NFATC2: variants seen among roughly 807,000 people sequenced by gnomAD.
NFATC2 encodes the protein nuclear factor of activated T cells 2, also known as nuclear factor of activated T-cells, cytoplasmic 2.
In NFATC2, 22 loss-of-function variants were observed where a neutral mutation model predicts 87.3. That is an observed-to-expected ratio of 0.25 (90% CI 0.18 to 0.36). The LOEUF (loss-of-function observed/expected upper bound fraction) is 0.36. Ranked by LOEUF, NFATC2 falls within the 10% of genes least tolerant of loss-of-function variation. The probability of loss-of-function intolerance (pLI) is 1.00; values close to 1 mark genes in which losing one functional copy is unlikely to be tolerated. For missense variants in NFATC2, 1,149 were observed against 1,259.1 expected (o/e 0.91, Z 1.32); for synonymous variants, 565 against 542.2 (o/e 1.04, Z -0.58).
At chr20:51,558,067 A>C (rs772765871) in intron 1 of NFATC2, among the ~76,000 whole-genome samples, 1 of 152,192 alleles carries the variant, frequency 6.6e-6, no homozygotes, top group Non-Finnish European at 1.5e-5. Context: ...CTGGCCGGCC[A>C]TGGTAGCTCA....
intron 5 of NFATC2, among the ~76,000 whole-genome samples, chr20:51,456,759 C>T (rs762360339): frequency 2.0e-5 from 3 of 152,256 alleles, no homozygotes; most frequent in Non-Finnish European, 2.9e-5. Context: ...GGGCAGCAAC[C>T]GCGTGAGGCC....
At chr20:51,527,453 A>C (rs1263960253) in intron 1 of NFATC2, among the ~76,000 whole-genome samples, 1 of 152,082 alleles carries the variant, frequency 6.6e-6, no homozygotes, top group East Asian at 1.9e-4. Flanking sequence ...ACGACTGAGG[A>C]ACTGTGGAGT....
chr20:51,535,621 C>T (rs1312523710), intron 1 of NFATC2, among the ~76,000 whole-genome samples: 2 of 152,238 alleles, frequency 1.3e-5, no homozygotes, highest in African/African-American at 2.4e-5. Context: ...TACTCCATGG[C>T]AACAGAGGTG....
chr20:51,435,215 G>T lies in NFATC2; in HGVS notation c.2005C>A (p.Gln669Lys). The stretch of plus-strand genomic sequence containing the variant: ...GGGTGGTAGGTAAAGTGCTGAGGCT[G>T]ACTTCGTTTTCTCTTCCCATTGATG... Reference protein sequence around the residue: ...YVINGKRKRSQPQHFTYHPVP... With the variant: ...YVINGKRKRSKPQHFTYHPVP... The change falls in exon 8 of 11, where the codon CAG (glutamine) becomes AAG (lysine). Residue 669 changes from glutamine (Q) to lysine (K), a missense_variant. Gln to Lys is a moderately conservative substitution (Grantham distance 53, BLOSUM62 1). This residue lies in a region of NFATC2 where 581 missense variants were observed against 649.7 expected (regional missense o/e 0.89). Transcript: ENST00000371564. 6.2e-7 allele frequency: 1 copy of T among 1,614,192 alleles called. No individual in the cohort carries two copies. Among genetic ancestry groups the T allele is most frequent in the South Asian group, 1.1e-5 (1 of 91,086 alleles).
chr20:51,508,684 C>T (rs763210472), intron 3 of NFATC2, among the ~76,000 whole-genome samples: 5 of 152,200 alleles, frequency 3.3e-5, no homozygotes, highest in African/African-American at 9.6e-5. Flanking sequence ...GCAGGAGTCT[C>T]GGCAGGGATG....
intron 3 of NFATC2, among the ~76,000 whole-genome samples, chr20:51,490,127 T>C (rs1385952524): frequency 6.6e-6 from 1 of 152,178 alleles, no homozygotes; most frequent in Non-Finnish European, 1.5e-5. Context: ...TTAATCATAA[T>C]AACAACAACA....
intron 2 of NFATC2, 147 bp downstream of exon 2, chr20:51,522,934 G>C: frequency 1.8e-6 from 2 of 1,112,548 alleles, no homozygotes; most frequent in Non-Finnish European, 1.3e-6. Context: ...TTCCGTCTCA[G>C]GGTCTCGCAA....
At chr20:51,398,226 T>G (rs1161863608) in intron 10 of NFATC2, among the ~76,000 whole-genome samples, 1 of 152,100 alleles carries the variant, frequency 6.6e-6, no homozygotes, top group Non-Finnish European at 1.5e-5. Flanking sequence ...CTCAGTGGCT[T>G]CTTAGGTAGG....
chr20:51,525,704 T>C (rs2076533660), intron 1 of NFATC2, among the ~76,000 whole-genome samples: 1 of 151,970 alleles, frequency 6.6e-6, no homozygotes, highest in South Asian at 2.1e-4. Flanking sequence ...GTCTCCCCAT[T>C]CCATCGCATC....
rs2076512027 is a variant in NFATC2, at chr20:51,524,551, C to T, written c.131-441G>A. 6.6e-6 allele frequency among the ~76,000 whole-genome samples: 1 copy of T among 152,150 alleles called. No individual in the cohort carries two copies. Among genetic ancestry groups the T allele is most frequent in the Non-Finnish European group, 1.5e-5 (1 of 68,028 alleles). On this transcript the variant is annotated intron_variant, in intron 1 of 10. Coordinates refer to ENST00000371564, the MANE Select transcript of NFATC2 (RefSeq NM_012340.5). This position sits in a 1 kb window ranked among gnomAD's most constrained non-coding sequence, Gnocchi z 4.0. ...GGTCACGACCCATTAGACGGATCCC[C>T]TAACCCGTCTGCGCGGTAGGTCATG...
chr20:51,398,271 A>G (rs952084466), intron 10 of NFATC2, among the ~76,000 whole-genome samples: 1 of 152,208 alleles, frequency 6.6e-6, no homozygotes, highest in Non-Finnish European at 1.5e-5. Context: ...GCTGTTCCCC[A>G]GTGCCGGACA....
At chr20:51,521,929 T>A (rs1241940550) in intron 2 of NFATC2, among the ~76,000 whole-genome samples, 2 of 152,102 alleles carry the variant, frequency 1.3e-5, no homozygotes, top group Admixed American at 6.5e-5. Context: ...AGAAAAAAAA[T>A]TCCATAAAGT....
intron 3 of NFATC2, among the ~76,000 whole-genome samples, chr20:51,486,026 C>T (rs967811896): frequency 2.6e-5 from 4 of 152,074 alleles, no homozygotes; most frequent in African/African-American, 9.7e-5. Flanking sequence ...GCCTGGCCAA[C>T]ATGGTGAAAC....
intron 9 of NFATC2, among the ~76,000 whole-genome samples, chr20:51,403,983 C>A: frequency 6.6e-6 from 1 of 152,214 alleles, no homozygotes; most frequent in Non-Finnish European, 1.5e-5. Flanking sequence ...TTCAGGTAAG[C>A]AGACATCCCT....
chr20:51,438,033 G>A (rs1668825286), intron 6 of NFATC2, among the ~76,000 whole-genome samples: 1 of 152,180 alleles, frequency 6.6e-6, no homozygotes, highest in Admixed American at 6.5e-5. Flanking sequence ...GGAAGCAAGG[G>A]AAGATCGCTG....
At position 51,474,041 on chromosome 20, in the gene NFATC2, G is replaced by T. The variant is rs1379388181; in HGVS notation, c.1647C>A (p.His549Gln). The T allele has an allele frequency of 1.2e-6, 2 of 1,614,256 alleles. No individual in the cohort carries two copies. The highest frequency in any genetic ancestry group is 1.7e-6 in the Non-Finnish European group (2 of 1,180,044). The change falls in exon 5 of 11, where the codon CAC becomes CAA. Residue 549 changes from histidine (H) to glutamine (Q), a missense_variant. Physicochemically the swap from His to Gln is conservative, Grantham distance 24. Coordinates refer to ENST00000371564, the MANE Select transcript of NFATC2 (RefSeq NM_012340.5). ...CGATTCTGCCACTGGACTCTGGGAT[G>T]TGAACTCGGAAAACCAGTCTCACCC... Reference protein sequence around the residue: ...NTRVRLVFRVHIPESSGRIVS... With the variant: ...NTRVRLVFRVQIPESSGRIVS...
chr20:51,544,659 G>T (rs1047122781), upstream of NFATC2, among the ~76,000 whole-genome samples: 2 of 152,134 alleles, frequency 1.3e-5, no homozygotes, highest in African/African-American at 4.8e-5. Flanking sequence ...TCAGACCAGT[G>T]GTTCTTAACC....
chr20:51,462,473 T>C (rs1987264215), intron 5 of NFATC2, among the ~76,000 whole-genome samples: 1 of 151,980 alleles, frequency 6.6e-6, no homozygotes, highest in African/African-American at 2.4e-5. Flanking sequence ...TAGCAGACAA[T>C]TACAAATGCT....
intron 3 of NFATC2, among the ~76,000 whole-genome samples, chr20:51,488,080 T>A (rs1600851405): frequency 6.6e-6 from 1 of 152,146 alleles, no homozygotes; most frequent in East Asian, 1.9e-4. Context: ...TCCATAAACA[T>A]GATGGAAGCC....
Sources: gnomAD v4.1 joint callset for allele counts (sites outside exome capture counted in the v4.1 genomes callset) on GRCh38, gnomAD v4.1.1 for gene constraint, gnomAD v4.1.1 regional missense constraint, Gnocchi (gnomAD v3.1) non-coding constraint, MANE v1.5 for transcripts, NCBI Gene and HGNC (gene_info 2026-07-23, HGNC 2026-07-21) for gene names.